The following PPP1R9A variants were observed in gnomAD, a reference collection of about 807,000 sequenced individuals.
PPP1R9A encodes neurabin-1.
A neutral mutation model predicts 141.9 loss-of-function variants in PPP1R9A; 59 were observed. The observed-to-expected ratio is 0.42, with a 90% CI of 0.34 to 0.52. The LOEUF is 0.52. Ranked by LOEUF, PPP1R9A falls within the 20% of genes least tolerant of loss-of-function variation. The probability of loss-of-function intolerance (pLI) is 0.10; values close to 1 mark genes in which losing one functional copy is unlikely to be tolerated. For synonymous variants in PPP1R9A, 500 were observed against 569.7 expected (o/e 0.88, Z 1.74); for missense variants, 1,444 against 1,611.9 (o/e 0.90, Z 1.78).
intron 2 of PPP1R9A, among the ~76,000 whole-genome samples, chr7:95,062,151 G>A (rs1348837892): frequency 3.9e-5 from 6 of 152,150 alleles, no homozygotes. Flanking sequence ...TTGCAGTCAG[G>A]AGCATGCATT....
intron 5 of PPP1R9A, among the ~76,000 whole-genome samples, chr7:95,171,190 T>G (rs1832057351): frequency 1.3e-5 from 2 of 151,546 alleles, no homozygotes; most frequent in Non-Finnish European, 3.0e-5. Context: ...TGAAGAGATG[T>G]ATAGAAAACT....
In PPP1R9A at chr7:95,251,945, T is replaced by A. The variant is rs1157285263; in HGVS notation, c.2494-14T>A. ...GCTAGTTTAGAGTTTTATAAATGGATTTGTTTTTCCTAGATTAGAGATTTG... is the reference window on the plus strand; with the variant it reads ...GCTAGTTTAGAGTTTTATAAATGGAATTGTTTTTCCTAGATTAGAGATTTG... On this transcript the variant is annotated splice_polypyrimidine_tract_variant and intron_variant, in intron 11 of 19. Transcript: ENST00000433360. The A allele has an allele frequency of 6.2e-7, 1 of 1,605,530 alleles. No individual in the cohort carries two copies.
intron 3 of PPP1R9A, among the ~76,000 whole-genome samples, chr7:95,118,305 G>T (rs890453724): frequency 3.9e-5 from 6 of 152,080 alleles, no homozygotes; most frequent in African/African-American, 1.4e-4. Flanking sequence ...TTATACCAGA[G>T]AAACAATTTG....
At chr7:95,197,324 A>C (rs1028123514) in intron 5 of PPP1R9A, among the ~76,000 whole-genome samples, 13 of 152,222 alleles carry the variant, frequency 8.5e-5, no homozygotes, top group African/African-American at 2.9e-4. Flanking sequence ...TTAAAAAATG[A>C]ATATTAAATT....
intron 14 of PPP1R9A, among the ~76,000 whole-genome samples, chr7:95,272,483 A>G (rs2153053310): frequency 6.6e-6 from 1 of 152,336 alleles, no homozygotes; most frequent in East Asian, 1.9e-4. Flanking sequence ...TGCATAATAA[A>G]TATTTGAGGC....
At chr7:95,100,016 T>C (rs1245120708) in intron 2 of PPP1R9A, among the ~76,000 whole-genome samples, 1 of 152,112 alleles carries the variant, frequency 6.6e-6, no homozygotes, top group Admixed American at 6.6e-5. Flanking sequence ...AATTTAACTT[T>C]TCATATATGT....
chr7:94,939,445 C>T (rs1381557019), intron 2 of PPP1R9A, among the ~76,000 whole-genome samples: 1 of 151,932 alleles, frequency 6.6e-6, no homozygotes, highest in East Asian at 1.9e-4. Context: ...CAGAAGCATT[C>T]AGATTACCCC....
At chr7:95,023,183 G>A (rs1028067734) in intron 2 of PPP1R9A, among the ~76,000 whole-genome samples, 13 of 152,034 alleles carry the variant, frequency 8.6e-5, no homozygotes, top group Admixed American at 2.6e-4. Context: ...TCAGTGATTC[G>A]AATTCTTCCT....
intron 2 of PPP1R9A, among the ~76,000 whole-genome samples, chr7:94,976,254 A>C (rs1799429843): frequency 6.6e-6 from 1 of 152,166 alleles, no homozygotes; most frequent in Admixed American, 6.5e-5. Context: ...ATAATACAAA[A>C]ATTATTACGG....
At chr7:95,215,461 A>G (rs1357772453) in intron 7 of PPP1R9A, among the ~76,000 whole-genome samples, 1 of 152,140 alleles carries the variant, frequency 6.6e-6, no homozygotes, top group Non-Finnish European at 1.5e-5. Flanking sequence ...TAGCAGCATG[A>G]TTTATAATCC....
At chr7:95,160,369 A>G (rs7777082) in intron 4 of PPP1R9A, among the ~76,000 whole-genome samples, 63,941 of 152,018 alleles carry the variant, frequency 0.42, 13,664 homozygotes, top group Middle Eastern at 0.49. Flanking sequence ...TGTTTTATGT[A>G]CAGTTATTAA....
At chr7:95,067,298 T>A (rs767025156) in intron 2 of PPP1R9A, among the ~76,000 whole-genome samples, 1 of 152,164 alleles carries the variant, frequency 6.6e-6, no homozygotes, top group Non-Finnish European at 1.5e-5. Flanking sequence ...CTGTGAAGTT[T>A]AGGCTAATAG....
rs9649194 is a variant in PPP1R9A at position 95,125,673 on chromosome 7, G to A, written c.1649+4841G>A. Among the ~76,000 whole-genome samples the A allele has an allele frequency of 5.3e-5, 8 of 151,940 alleles. No individual in the cohort carries two copies. In the East Asian group the frequency reaches 9.7e-4, roughly 18 times the overall value. On this transcript the variant is annotated intron_variant, in intron 4 of 19. Transcript: ENST00000433360. ...AATTAAAAGTCCATTTTGGACACAC[G>A]TTGTTTTTGGGTCCTGTTTTTGTTT... is the stretch of plus-strand genomic sequence containing the variant.
chr7:95,276,843 A>T (rs939633794), intron 16 of PPP1R9A, among the ~76,000 whole-genome samples: 1 of 152,224 alleles, frequency 6.6e-6, no homozygotes, highest in Non-Finnish European at 1.5e-5. Flanking sequence ...GTTAACACTA[A>T]TAAAATCTGT....
At position 94,951,370 on chromosome 7, in the gene PPP1R9A, G is replaced by A. The variant is rs190971505; in HGVS notation, c.1395+39862G>A. 3.4e-3 allele frequency among the ~76,000 whole-genome samples: 514 copies of A among 151,786 alleles called. 4 individuals are homozygous for A. Among genetic ancestry groups the A allele is most frequent in the African/African-American group, 0.012 (488 of 41,438 alleles). ...TATATGGCATTTGGTGTTAATTTTT[G>A]TTAGGTATATTTGATCAGGTTAAGG... On this transcript the variant is annotated intron_variant, in intron 2 of 19. Transcript: ENST00000433360.
At chr7:95,111,423 T>C (rs1201710485) in intron 3 of PPP1R9A, 32 bp downstream of exon 3, 2 of 1,582,112 alleles carry the variant, frequency 1.3e-6, no homozygotes, top group South Asian at 2.3e-5. Flanking sequence ...AATATCATTA[T>C]GTTGCTATGT....
In PPP1R9A at chr7:94,911,528, T is replaced by C. The variant is rs767298435; in HGVS notation, c.1395+20T>C. On this transcript the variant is annotated intron_variant, in intron 2 of 19. Transcript: ENST00000433360. ...ATTAAGGTAAGTGTGTTTTCTCCAT[T>C]TTGTTTTCTAAATTTGTTTTTAGTA... 36 of 1,566,340 alleles carry C rather than the reference T, an allele frequency of 2.3e-5. No homozygotes were observed. The highest frequency in any genetic ancestry group is 2.8e-5 in the Non-Finnish European group (32 of 1,147,122).
chr7:94,929,290 A>G (rs1007211663), intron 2 of PPP1R9A, among the ~76,000 whole-genome samples: 3 of 152,174 alleles, frequency 2.0e-5, no homozygotes, highest in Non-Finnish European at 4.4e-5. Context: ...GTAAGTCACA[A>G]TGTACTGAGA....
intron 4 of PPP1R9A, among the ~76,000 whole-genome samples, chr7:95,123,515 A>T (rs1425055876): frequency 6.6e-6 from 1 of 152,048 alleles, no homozygotes; most frequent in Non-Finnish European, 1.5e-5. Context: ...TGGGCGTGGT[A>T]GTGGGCGCCT....
Sources: gnomAD v4.1 joint callset for allele counts (sites outside exome capture counted in the v4.1 genomes callset) on GRCh38, gnomAD v4.1.1 for gene constraint, MANE v1.5 for transcripts, NCBI Gene and HGNC (gene_info 2026-07-23, HGNC 2026-07-21) for gene names.